ARHGAP22: variants seen among roughly 807,000 people sequenced by gnomAD.
ARHGAP22 encodes Rho GTPase activating protein 22, also known as rho GTPase-activating protein 22.
In ARHGAP22, 48 loss-of-function variants were observed where a neutral mutation model predicts 59.1. The ratio of observed to expected loss-of-function variants is 0.81; its 90% CI spans 0.64 to 1.03. The LOEUF is 1.03. Ranked by LOEUF, ARHGAP22 falls within the 50% of genes least tolerant of loss-of-function variation. The pLI is 0.00. For synonymous variants in ARHGAP22, 445 were observed against 416.4 expected, an observed-to-expected ratio of 1.07 and a Z score of -0.84; for missense variants, 1,015 against 958.7, an observed-to-expected ratio of 1.06 and a Z score of -0.78.
intron 3 of ARHGAP22, among the ~76,000 whole-genome samples, chr10:48,547,090 G>A (rs927653107): frequency 2.6e-5 from 4 of 152,188 alleles, no homozygotes; most frequent in African/African-American, 9.7e-5. Context: ...ACTAGATGCT[G>A]TGAGGCCCTT....
At chr10:48,452,111 C>G (rs545910511) in intron 8 of ARHGAP22, among the ~76,000 whole-genome samples, 4 of 152,280 alleles carry the variant, frequency 2.6e-5, no homozygotes, top group African/African-American at 9.6e-5. Flanking sequence ...GGCCAAGGCC[C>G]CTGAGATGCA....
the ARHGAP22 span, chr10:48,431,085 C>A: frequency 1.4e-6 from 1 of 697,528 alleles, no homozygotes; most frequent in Non-Finnish European, 2.6e-6. Context: ...TGTAAGGACA[C>A]TGTTTGAAGT....
At chr10:48,433,189 A>G in the ARHGAP22 span, among the ~76,000 whole-genome samples, 17 of 152,202 alleles carry the variant, frequency 1.1e-4, no homozygotes, top group Admixed American at 5.9e-4. Flanking sequence ...TAAAGAGAAA[A>G]CAAGTGTGTG....
intron 1 of ARHGAP22, among the ~76,000 whole-genome samples, chr10:48,600,986 C>A (rs1396780892): frequency 1.3e-5 from 2 of 152,194 alleles, no homozygotes; most frequent in East Asian, 3.8e-4. Context: ...TTCTAATACG[C>A]CCCTTCTTCA....
chr10:48,571,014 T>G (rs1349024720), intron 2 of ARHGAP22, among the ~76,000 whole-genome samples: 1 of 152,232 alleles, frequency 6.6e-6, no homozygotes, highest in Non-Finnish European at 1.5e-5. Context: ...TGAAAACTGC[T>G]AGGATTTGGC....
At chr10:48,531,311 G>C (rs1336296689) in intron 3 of ARHGAP22, among the ~76,000 whole-genome samples, 3 of 152,162 alleles carry the variant, frequency 2.0e-5, no homozygotes, top group Non-Finnish European at 1.5e-5. Flanking sequence ...ACTACACATT[G>C]GGTACAATTT....
intron 3 of ARHGAP22, among the ~76,000 whole-genome samples, chr10:48,533,545 C>T (rs2055065002): frequency 6.6e-6 from 1 of 152,162 alleles, no homozygotes. Flanking sequence ...CAATAGAGGC[C>T]ATTTCAAATC....
intron 1 of ARHGAP22, among the ~76,000 whole-genome samples, chr10:48,603,584 G>C (rs889128279): frequency 6.6e-6 from 1 of 152,224 alleles, no homozygotes; most frequent in African/African-American, 2.4e-5. Flanking sequence ...TCATTACACA[G>C]GAGTGGGAGG....
chr10:48,571,828 G>A (rs1220050620), intron 2 of ARHGAP22, among the ~76,000 whole-genome samples: 2 of 152,310 alleles, frequency 1.3e-5, no homozygotes, highest in Middle Eastern at 3.4e-3. Context: ...CATCTAGGCT[G>A]TGTGGTTTTT....
At chr10:48,537,262 C>T (rs891958586) in intron 3 of ARHGAP22, among the ~76,000 whole-genome samples, 3 of 152,216 alleles carry the variant, frequency 2.0e-5, no homozygotes, top group African/African-American at 4.8e-5. Context: ...GCTTCTCCAG[C>T]GTTATTCCTG....
At chr10:48,479,482 G>T in intron 4 of ARHGAP22, 154 bp downstream of exon 4, 1 of 1,413,042 alleles carries the variant, frequency 7.1e-7, no homozygotes, top group Non-Finnish European at 9.6e-7. Context: ...ACTCCCGAGG[G>T]CTGGCAGTGG....
rs539838568 is a variant in ARHGAP22 at position 48,510,079 on chromosome 10, C to G, written c.323-30315G>C. 1.8e-3 allele frequency among the ~76,000 whole-genome samples: 268 copies of G among 152,286 alleles called. 1 individual carries two copies. The highest frequency in any genetic ancestry group is 5.7e-3 in the African/African-American group (235 of 41,566). The stretch of plus-strand genomic sequence containing the variant: ...GGGGCAAGTTTTTTACCTCTTGGAG[C>G]CTTGATATTTTCATCTCTTTAAAAC... On this transcript the variant is annotated intron_variant, in intron 3 of 9. Transcript: ENST00000249601.
Position 48,450,879 on chromosome 10 carries a change from C to G in ARHGAP22, c.1250G>C (p.Ser417Thr), listed in dbSNP as rs776139187. The G allele has an allele frequency of 5.7e-6, 9 of 1,587,356 alleles. No homozygotes were observed. The East Asian group carries it at 2.0e-4, about 36-fold the overall frequency. The change falls in exon 9 of 10, where the codon AGC becomes ACC. Residue 417 changes from serine (S) to threonine (T), a missense_variant. Ser to Thr is a moderately conservative substitution (Grantham distance 58). Coordinates refer to ENST00000249601, the MANE Select transcript of ARHGAP22 (RefSeq NM_021226.4). ...CAGGGTCTGCACCTTCTTCCCAGGG[C>G]TGCACCGGCTCCCCGGCCCCGTGGG... ...TAPTGPGSRC[S>T]PGKKVQTLPS...
chr10:48,593,884 C>A (rs1163764502), intron 1 of ARHGAP22, among the ~76,000 whole-genome samples: 1 of 152,108 alleles, frequency 6.6e-6, no homozygotes, highest in Admixed American at 6.5e-5. Flanking sequence ...ACAGTTAGGT[C>A]TGGAAGGAAC....
rs150569854 is a variant in ARHGAP22, at chr10:48,561,897, A to G, written c.235-6347T>C. Among the ~76,000 whole-genome samples the G allele has an allele frequency of 2.0e-3, 307 of 152,338 alleles. 3 individuals are homozygous for G. The highest frequency in any genetic ancestry group is 7.2e-3 in the African/African-American group (299 of 41,578). ...CTGTTGGTGGTAATGTTAAACGACA[A>G]TCACTTTGGAAAACAGTTAAGCAGA... On this transcript the variant is annotated intron_variant, in intron 2 of 9. Transcript: ENST00000249601.
At chr10:48,621,960 C>T (rs1565012859) in intron 1 of ARHGAP22, among the ~76,000 whole-genome samples, 3 of 151,940 alleles carry the variant, frequency 2.0e-5, no homozygotes, top group Non-Finnish European at 4.4e-5. Flanking sequence ...TTAGTGTAGC[C>T]CCTCCTCCTC....
At chr10:48,529,226 A>G (rs1459398587) in intron 3 of ARHGAP22, among the ~76,000 whole-genome samples, 2 of 152,226 alleles carry the variant, frequency 1.3e-5, no homozygotes, top group African/African-American at 4.8e-5. Context: ...TGCAAAAGGC[A>G]TAAGCCAGGT....
chr10:48,518,552 T>G (rs2134677720), intron 3 of ARHGAP22, among the ~76,000 whole-genome samples: 1 of 151,808 alleles, frequency 6.6e-6, no homozygotes, highest in South Asian at 2.1e-4. Flanking sequence ...CAGAGAGAAA[T>G]GAGGGAAGCA....
At chr10:48,451,302 C>T (rs1236955914) in intron 8 of ARHGAP22, 162 bp from the exon 9 acceptor site, 2 of 953,904 alleles carry the variant, frequency 2.1e-6, no homozygotes, top group African/African-American at 1.6e-5. Flanking sequence ...AAGGACCACA[C>T]ACCCTCCAAC....
Sources: allele counts gnomAD v4.1 joint callset (sites outside exome capture counted in the v4.1 genomes callset), GRCh38; gene constraint gnomAD v4.1.1; transcripts MANE v1.5; gene names NCBI Gene and HGNC (gene_info 2026-07-23, HGNC 2026-07-21).